Variants in EXOC6B observed in about 807,000 individuals in gnomAD.
EXOC6B encodes the protein exocyst complex component 6B.
In EXOC6B, 54 loss-of-function variants were observed where a neutral mutation model predicts 113.5. That is an observed-to-expected ratio of 0.48 (90% CI 0.38 to 0.60). EXOC6B has a LOEUF of 0.60. Ranked by LOEUF, EXOC6B falls within the 20% of genes least tolerant of loss-of-function variation. EXOC6B has a pLI of 0.00. For missense variants in EXOC6B, 797 were observed against 977.5 expected (o/e 0.82, Z 2.46); for synonymous variants, 357 against 339.0 (o/e 1.05, Z -0.58).
intron 8 of EXOC6B, among the ~76,000 whole-genome samples, chr2:72,519,486 C>T (rs767495233): frequency 2.0e-5 from 3 of 152,062 alleles, no homozygotes; most frequent in Non-Finnish European, 4.4e-5. Context: ...TAGTGCTGTT[C>T]GCTATGAGTT....
chr2:72,347,107 C>T (rs1689379904), intron 19 of EXOC6B, among the ~76,000 whole-genome samples: 1 of 152,104 alleles, frequency 6.6e-6, no homozygotes, highest in African/African-American at 2.4e-5. Context: ...CATTAAAATA[C>T]ATAGATCTAT....
chr2:72,271,965 C>G (rs1684515349), intron 20 of EXOC6B, among the ~76,000 whole-genome samples: 1 of 152,116 alleles, frequency 6.6e-6, no homozygotes, highest in Admixed American at 6.6e-5. Context: ...CTCCCCTTTT[C>G]CCCTCCCTCC....
At chr2:72,722,598 T>C (rs1409320144) in intron 5 of EXOC6B, among the ~76,000 whole-genome samples, 2 of 152,198 alleles carry the variant, frequency 1.3e-5, no homozygotes, top group African/African-American at 4.8e-5. Flanking sequence ...AAATCTGAAA[T>C]CATTGCTCTT....
At chr2:72,288,523 G>A (rs1458870999) in intron 20 of EXOC6B, among the ~76,000 whole-genome samples, 3 of 152,076 alleles carry the variant, frequency 2.0e-5, no homozygotes, top group Non-Finnish European at 4.4e-5. Flanking sequence ...TTACAGCAAT[G>A]AGAAAGAATA....
At chr2:72,512,816 A>G (rs1023923682) in intron 11 of EXOC6B, among the ~76,000 whole-genome samples, 3 of 151,958 alleles carry the variant, frequency 2.0e-5, no homozygotes, top group Admixed American at 6.6e-5. Flanking sequence ...TAATAATAAT[A>G]CCTACCTTTC....
chr2:72,184,287 G>T, intron 20 of EXOC6B, 100 bp from the exon 21 acceptor site: 2 of 578,866 alleles, frequency 3.5e-6, no homozygotes, highest in Non-Finnish European at 3.1e-6. Context: ...CTAATAAATT[G>T]GATATATAAA....
chr2:72,729,264 CTG>C (rs1464182605), intron 5 of EXOC6B, among the ~76,000 whole-genome samples: 1 of 151,688 alleles, frequency 6.6e-6, no homozygotes, highest in African/African-American at 2.4e-5. Flanking sequence ...TAAATTTTAA[CTG>C]TAATTTTTTA....
intron 6 of EXOC6B, among the ~76,000 whole-genome samples, chr2:72,641,182 G>A (rs1673198392): frequency 6.6e-6 from 1 of 152,210 alleles, no homozygotes; most frequent in African/African-American, 2.4e-5. Flanking sequence ...ATTTCCAACT[G>A]AGGTACCTGG....
intron 1 of EXOC6B, among the ~76,000 whole-genome samples, chr2:72,762,662 C>G (rs1349523450): frequency 6.6e-6 from 1 of 152,000 alleles, no homozygotes; most frequent in Non-Finnish European, 1.5e-5. Context: ...AAAGTAAGTT[C>G]CTCAGGCAAA....
intron 18 of EXOC6B, among the ~76,000 whole-genome samples, chr2:72,425,421 C>T (rs1186653444): frequency 1.3e-5 from 2 of 152,134 alleles, no homozygotes; most frequent in African/African-American, 2.4e-5. Flanking sequence ...GATTGGAAGA[C>T]ATATTCTAAT....
chr2:72,793,807 T>C (rs539025396), intron 1 of EXOC6B, among the ~76,000 whole-genome samples: 2 of 152,234 alleles, frequency 1.3e-5, no homozygotes, highest in South Asian at 2.1e-4. Flanking sequence ...AGACTTGAAA[T>C]AGAAGAGGGT....
intron 18 of EXOC6B, among the ~76,000 whole-genome samples, chr2:72,408,891 C>A (rs967468755): frequency 6.6e-6 from 1 of 152,202 alleles, no homozygotes; most frequent in Admixed American, 6.5e-5. Context: ...TAAAGAGCTT[C>A]TGCACAGCAA....
chr2:72,398,016 T>A (rs1692862808), intron 18 of EXOC6B, among the ~76,000 whole-genome samples: 1 of 152,176 alleles, frequency 6.6e-6, no homozygotes, highest in African/African-American at 2.4e-5. Flanking sequence ...ATGTGTCAAA[T>A]TGATTGAGCC....
intron 17 of EXOC6B, among the ~76,000 whole-genome samples, chr2:72,467,526 AG>A (rs1418982723): frequency 6.6e-6 from 1 of 152,130 alleles, no homozygotes; most frequent in Non-Finnish European, 1.5e-5. Flanking sequence ...TCAACCTAAC[AG>A]GTGGAAAGTC....
intron 6 of EXOC6B, among the ~76,000 whole-genome samples, chr2:72,590,770 A>G (rs1558824146): frequency 6.6e-6 from 1 of 152,100 alleles, no homozygotes; most frequent in Non-Finnish European, 1.5e-5. Flanking sequence ...GATAGATCAT[A>G]TCTCTACTAC....
At chr2:72,715,508 G>A (rs1050892486) in intron 6 of EXOC6B, among the ~76,000 whole-genome samples, 1 of 149,428 alleles carries the variant, frequency 6.7e-6, no homozygotes. Context: ...TGAAAACAAG[G>A]AAAAGCCAGC....
chr2:72,375,806 G>C lies in EXOC6B; in HGVS notation c.2122+3923C>G, dbSNP rs572840393. On this transcript the variant is annotated intron_variant, in intron 19 of 21. Coordinates refer to ENST00000272427, the MANE Select transcript of EXOC6B (RefSeq NM_015189.3). The stretch of plus-strand genomic sequence containing the variant: ...GTAAGCAGAAGAAAAAAACAGTAAA[G>C]GTGGAAATGAGAAAGCTAGAAATTA... 5.3e-5 allele frequency among the ~76,000 whole-genome samples: 8 copies of C among 152,272 alleles called. 1 individual carries two copies. In the East Asian group the frequency reaches 1.5e-3, roughly 29 times the overall value.
chr2:72,375,845 T>C (rs1051420330), intron 19 of EXOC6B, among the ~76,000 whole-genome samples: 1 of 152,178 alleles, frequency 6.6e-6, no homozygotes, highest in Non-Finnish European at 1.5e-5. Context: ...AGGCATCTGT[T>C]AACATAGGCT....
intron 6 of EXOC6B, among the ~76,000 whole-genome samples, chr2:72,660,033 C>G (rs916024885): frequency 2.6e-5 from 4 of 151,916 alleles, no homozygotes; most frequent in Admixed American, 1.3e-4. Flanking sequence ...ACAGCATAAA[C>G]TGGTATGATC....
Sources: gnomAD v4.1 joint callset for allele counts (sites outside exome capture counted in the v4.1 genomes callset) on GRCh38, gnomAD v4.1.1 for gene constraint, MANE v1.5 for transcripts, NCBI Gene and HGNC (gene_info 2026-07-23, HGNC 2026-07-21) for gene names.